The following FMN2 variants were observed in gnomAD, a reference collection of about 807,000 sequenced individuals.
The protein encoded by FMN2 is formin-2.
Under a neutral mutation model 142.3 loss-of-function variants are expected in FMN2, and 51 were observed. That is an observed-to-expected ratio of 0.36 (90% CI 0.29 to 0.45). The LOEUF (loss-of-function observed/expected upper bound fraction) is 0.45. Among genes scored for constraint, FMN2 ranks in the 20% least tolerant of loss-of-function variants. FMN2 has a pLI of 1.00. For synonymous variants in FMN2, 882 were observed against 869.8 expected, an observed-to-expected ratio of 1.01 and a Z score of -0.25; for missense variants, 1,936 against 2,122.8, an observed-to-expected ratio of 0.91 and a Z score of 1.73.
At chr1:240,137,097 G>T (rs1485421284) in intron 2 of FMN2, among the ~76,000 whole-genome samples, 1 of 149,082 alleles carries the variant, frequency 6.7e-6, no homozygotes. Context: ...AAAAAAAATT[G>T]GGACTCTATG....
intron 6 of FMN2, among the ~76,000 whole-genome samples, chr1:240,233,872 A>T (rs1667611801): frequency 6.6e-6 from 1 of 152,172 alleles, no homozygotes; most frequent in African/African-American, 2.4e-5. Context: ...AGCCCATTTT[A>T]GTGATCCAGA....
intron 2 of FMN2, among the ~76,000 whole-genome samples, chr1:240,166,259 C>A (rs936929060): frequency 1.3e-5 from 2 of 151,498 alleles, no homozygotes; most frequent in African/African-American, 2.4e-5. Flanking sequence ...GACAGAGTTT[C>A]GCTCTTGTTG....
At chr1:240,361,166 TATATATATATATATATATAA>T (rs1558452631) in intron 14 of FMN2, among the ~76,000 whole-genome samples, 1 of 40,304 alleles carries the variant, frequency 2.5e-5, no homozygotes, top group African/African-American at 1.2e-4. Flanking sequence ...TATATATATA[TATATATATATATATATATAA>T]AAGAGTTTAA....
intron 14 of FMN2, among the ~76,000 whole-genome samples, chr1:240,369,338 A>T (rs1002247686): frequency 3.0e-4 from 45 of 152,156 alleles, no homozygotes; most frequent in African/African-American, 1.1e-3. Flanking sequence ...TAATCTTACC[A>T]TTTGAATGCC....
At chr1:240,310,911 T>G (rs1318561556) in intron 8 of FMN2, among the ~76,000 whole-genome samples, 2 of 152,194 alleles carry the variant, frequency 1.3e-5, no homozygotes, top group Non-Finnish European at 2.9e-5. Flanking sequence ...TTTTTTTCTT[T>G]CTTTCATATT....
At chr1:240,290,779 G>GT (rs1669752706) in intron 7 of FMN2, among the ~76,000 whole-genome samples, 2 of 112,532 alleles carry the variant, frequency 1.8e-5, no homozygotes, top group South Asian at 5.7e-4. Context: ...CTGTTTGTTT[G>GT]GTTTTTTTTT....
intron 2 of FMN2, among the ~76,000 whole-genome samples, chr1:240,149,256 A>C (rs1663661286): frequency 6.6e-6 from 1 of 152,220 alleles, no homozygotes; most frequent in Non-Finnish European, 1.5e-5. Context: ...TATATTAAGA[A>C]GTTATTATGT....
chr1:240,208,589 G>A lies in FMN2; in HGVS notation c.3777G>A (p.Val1259=), dbSNP rs942792449. 5.0e-6 allele frequency: 8 copies of A among 1,613,674 alleles called. No individual in the cohort carries two copies. Among genetic ancestry groups the A allele is most frequent in the African/African-American group, 4.0e-5 (3 of 74,818 alleles). ...GTAGCACTTTACCAACCCCACAGGT[G>A]TGTGGATTTCTTCCTCCTCCATTGC... ...VGSSTLPTPQ[V]CGFLPPPLPS... The change falls in exon 5 of 18, where the codon GTG becomes GTA. Residue 1259 remains valine, a synonymous_variant. Transcript: ENST00000319653.
At chr1:240,324,640 A>AACAGAGTG (rs1572193996) in intron 8 of FMN2, among the ~76,000 whole-genome samples, 1 of 148,956 alleles carries the variant, frequency 6.7e-6, no homozygotes, top group African/African-American at 2.4e-5. Context: ...CAGCCCGGGC[A>AACAGAGTG]ACAGAGTGAC....
intron 6 of FMN2, among the ~76,000 whole-genome samples, chr1:240,237,614 G>A (rs1334040683): frequency 6.6e-6 from 1 of 152,126 alleles, no homozygotes; most frequent in Non-Finnish European, 1.5e-5. Flanking sequence ...GTCATGGTGT[G>A]GTGACAGAAG....
chr1:240,371,376 G>T (rs764381978), intron 14 of FMN2, among the ~76,000 whole-genome samples: 9 of 152,074 alleles, frequency 5.9e-5, no homozygotes, highest in African/African-American at 2.2e-4. Flanking sequence ...TGGGTACTTG[G>T]ATATGCTCTG....
intron 4 of FMN2, among the ~76,000 whole-genome samples, chr1:240,197,284 C>T (rs552988245): frequency 2.6e-4 from 39 of 152,262 alleles, no homozygotes; most frequent in Non-Finnish European, 1.5e-4. Context: ...GGGTGGTGCT[C>T]CCCTTTTCCC....
intron 6 of FMN2, among the ~76,000 whole-genome samples, chr1:240,223,544 G>A (rs201203403): frequency 5.3e-5 from 8 of 152,132 alleles, no homozygotes; most frequent in Non-Finnish European, 7.3e-5. Flanking sequence ...GTTTGGAACC[G>A]TTTCGGAAGG....
chr1:240,188,023 A>T (rs987729116), intron 3 of FMN2, among the ~76,000 whole-genome samples, 184 bp from the exon 4 acceptor site: 1 of 152,240 alleles, frequency 6.6e-6, no homozygotes, highest in African/African-American at 2.4e-5. Flanking sequence ...TTCTCATTGT[A>T]TGTATTATAT....
At chr1:240,242,035 C>T (rs998299845) in intron 6 of FMN2, among the ~76,000 whole-genome samples, 42 of 151,588 alleles carry the variant, frequency 2.8e-4, no homozygotes, top group African/African-American at 7.7e-4. Flanking sequence ...TTAGTAGAGA[C>T]GGGGTTTCAC....
At chr1:240,193,110 T>C (rs887399604) in intron 4 of FMN2, among the ~76,000 whole-genome samples, 2 of 152,178 alleles carry the variant, frequency 1.3e-5, no homozygotes, top group African/African-American at 4.8e-5. Context: ...TATTGAGTTT[T>C]AGATGGTGTA....
intron 8 of FMN2, among the ~76,000 whole-genome samples, chr1:240,321,063 G>C (rs1233221889): frequency 6.6e-6 from 1 of 152,078 alleles, no homozygotes; most frequent in Non-Finnish European, 1.5e-5. Context: ...GATGAGGTGG[G>C]AAGTAAACAT....
intron 7 of FMN2, among the ~76,000 whole-genome samples, chr1:240,288,794 A>G (rs545976162): frequency 2.7e-4 from 41 of 152,280 alleles, no homozygotes; most frequent in Non-Finnish European, 4.0e-4. Flanking sequence ...CCCATCTGGC[A>G]AGAAACTGAG....
chr1:240,273,326 C>T (rs1474924758), intron 7 of FMN2, among the ~76,000 whole-genome samples: 1 of 152,142 alleles, frequency 6.6e-6, no homozygotes, highest in Non-Finnish European at 1.5e-5. Flanking sequence ...GTTTTTATCT[C>T]CATCTTCAGG....
Sources: allele counts gnomAD v4.1 joint callset (sites outside exome capture counted in the v4.1 genomes callset), GRCh38; gene constraint gnomAD v4.1.1; transcripts MANE v1.5; gene names NCBI Gene and HGNC (gene_info 2026-07-23, HGNC 2026-07-21).